The following FRMD4A variants were observed in gnomAD, a reference collection of about 807,000 sequenced individuals.
FRMD4A encodes the protein FERM domain-containing protein 4A.
A neutral mutation model predicts 129.1 loss-of-function variants in FRMD4A; 29 were observed. The ratio of observed to expected loss-of-function variants is 0.22; its 90% CI spans 0.17 to 0.31. The LOEUF is 0.31. Ranked by LOEUF, FRMD4A falls within the 10% of genes least tolerant of loss-of-function variation. The pLI is 1.00. For synonymous variants in FRMD4A, 634 were observed against 571.6 expected (o/e 1.11, Z -1.56); for missense variants, 1,272 against 1,375.8 (o/e 0.92, Z 1.19).
chr10:13,722,055 C>A (rs1490655051), intron 12 of FRMD4A, among the ~76,000 whole-genome samples: 1 of 152,122 alleles, frequency 6.6e-6, no homozygotes, highest in African/African-American at 2.4e-5. Flanking sequence ...TGTGCTCGCT[C>A]CAGGGGGTAC....
At chr10:13,928,935 T>C (rs1184623887) in intron 2 of FRMD4A, among the ~76,000 whole-genome samples, 1 of 152,246 alleles carries the variant, frequency 6.6e-6, no homozygotes. Context: ...GAATTCTCAG[T>C]TTAATAAGGC....
At chr10:14,051,764 G>A (rs1031884073) in intron 2 of FRMD4A, among the ~76,000 whole-genome samples, 7 of 152,172 alleles carry the variant, frequency 4.6e-5, no homozygotes, top group South Asian at 4.1e-4. Flanking sequence ...ATGGCACCTC[G>A]GCAGCCTATG....
At chr10:13,987,230 G>T (rs1000952443) in intron 2 of FRMD4A, among the ~76,000 whole-genome samples, 10 of 152,036 alleles carry the variant, frequency 6.6e-5, no homozygotes, top group African/African-American at 2.4e-4. Flanking sequence ...AACTATCGTG[G>T]GATAGAAACC....
chr10:13,674,887 C>A (rs201345379), intron 16 of FRMD4A, 24 bp downstream of exon 16: 5 of 1,611,982 alleles, frequency 3.1e-6, no homozygotes, highest in East Asian at 4.5e-5. Context: ...CCAATTTCAA[C>A]GGGATGAGCT....
chr10:13,820,661 C>T (rs1487147168), intron 3 of FRMD4A, among the ~76,000 whole-genome samples: 8 of 152,238 alleles, frequency 5.3e-5, no homozygotes, highest in Admixed American at 1.3e-4. Context: ...TCCTGCTCTT[C>T]GCCAAGGGTG....
chr10:13,984,129 G>C (rs753244186), intron 2 of FRMD4A, among the ~76,000 whole-genome samples: 1 of 152,120 alleles, frequency 6.6e-6, no homozygotes, highest in South Asian at 2.1e-4. Context: ...AGTGGCCTGG[G>C]GTGCTTTCTG....
At chr10:13,823,592 G>T (rs12240327) in intron 3 of FRMD4A, among the ~76,000 whole-genome samples, 4,113 of 152,118 alleles carry the variant, frequency 0.027, 154 homozygotes, top group East Asian at 0.14. Context: ...CCATTTTTTT[G>T]TTGTTGTTGT....
intron 2 of FRMD4A, among the ~76,000 whole-genome samples, chr10:14,034,807 G>T (rs1431943654): frequency 1.3e-5 from 2 of 152,186 alleles, no homozygotes; most frequent in Non-Finnish European, 2.9e-5. Flanking sequence ...GTCCCTAGAA[G>T]AGAAAAGGAT....
intron 2 of FRMD4A, among the ~76,000 whole-genome samples, chr10:14,221,717 G>C (rs903709322): frequency 3.7e-5 from 1 of 26,934 alleles, no homozygotes; most frequent in South Asian, 2.6e-3. Flanking sequence ...ACAGTACCAC[G>C]CCGGGTAATT....
In FRMD4A at chr10:13,654,413, C is replaced by T. The variant is rs1303846779; in HGVS notation, c.3050+3G>A. Reference sequence around the variant, plus strand: ...CAGTGAAGAACATAGAAGGAGAACTCACCCAGTCTGCCAGGTTAGGATGTG... The same window carrying T: ...CAGTGAAGAACATAGAAGGAGAACTTACCCAGTCTGCCAGGTTAGGATGTG... On this transcript the variant is annotated splice_donor_region_variant and intron_variant, in intron 23 of 24. Coordinates refer to ENST00000357447, the MANE Select transcript of FRMD4A (RefSeq NM_018027.5). The T allele has an allele frequency of 6.3e-7, 1 of 1,585,294 alleles. No homozygotes were observed. The highest frequency in any genetic ancestry group is 8.7e-7 in the Non-Finnish European group (1 of 1,153,712).
At chr10:13,974,688 G>A (rs184597430) in intron 2 of FRMD4A, among the ~76,000 whole-genome samples, 61 of 152,198 alleles carry the variant, frequency 4.0e-4, no homozygotes, top group Middle Eastern at 3.4e-3. Context: ...CACCATGCCT[G>A]GCTAATTTTT....
At chr10:14,125,191 C>A (rs1044301298) in intron 2 of FRMD4A, among the ~76,000 whole-genome samples, 3 of 152,194 alleles carry the variant, frequency 2.0e-5, no homozygotes, top group African/African-American at 7.2e-5. Context: ...TGACTATGCT[C>A]TTCTCTGATT....
intron 2 of FRMD4A, among the ~76,000 whole-genome samples, chr10:14,105,398 TC>T (rs1333290203): frequency 6.8e-6 from 1 of 147,426 alleles, no homozygotes; most frequent in Non-Finnish European, 1.5e-5. Context: ...AGACCCCATC[TC>T]CACAAAAACA....
At chr10:13,807,203 G>A (rs953474775) in intron 4 of FRMD4A, among the ~76,000 whole-genome samples, 2 of 152,154 alleles carry the variant, frequency 1.3e-5, no homozygotes, top group African/African-American at 4.8e-5. Flanking sequence ...GTATCACCAC[G>A]ATTCAGATAA....
chr10:14,207,673 T>G (rs1235252810), intron 2 of FRMD4A, among the ~76,000 whole-genome samples: 2 of 147,834 alleles, frequency 1.4e-5, no homozygotes, highest in Non-Finnish European at 1.5e-5. Flanking sequence ...TGTCAGCTAA[T>G]CATCCTAGGT....
At chr10:13,728,157 T>C (rs1000768113) in intron 12 of FRMD4A, among the ~76,000 whole-genome samples, 7 of 152,264 alleles carry the variant, frequency 4.6e-5, no homozygotes, top group Non-Finnish European at 7.4e-5. Context: ...CTTTCAAAAG[T>C]GTTGTCTGTA....
chr10:13,996,986 G>GCAAAACAAAA (rs55648919), intron 2 of FRMD4A, among the ~76,000 whole-genome samples: 15,782 of 149,552 alleles, frequency 0.11, 1,071 homozygotes, highest in Non-Finnish European at 0.15. Flanking sequence ...AAAAATTGAG[G>GCAAAACAAAA]CAAAACAAAA....
Position 14,140,233 on chromosome 10 carries a change from C to T in FRMD4A, c.45+189825G>A, listed in dbSNP as rs140231788. On this transcript the variant is annotated intron_variant, in intron 2 of 24. Transcript: ENST00000357447. ...CACACCACCACACCTGGCTAATCTTCGTATTTTTTAGCAGAGATGGGGTTT... is the reference window on the plus strand; with the variant it reads ...CACACCACCACACCTGGCTAATCTTTGTATTTTTTAGCAGAGATGGGGTTT... Among the ~76,000 whole-genome samples, 295 of 152,118 alleles carry T rather than the reference C, an allele frequency of 1.9e-3. 4 individuals carry two copies. The East Asian group carries it at 0.028, about 15-fold the overall frequency.
intron 2 of FRMD4A, among the ~76,000 whole-genome samples, chr10:14,235,282 T>TGGGACTACGG (rs1402760615): frequency 8.5e-6 from 1 of 117,438 alleles, no homozygotes; most frequent in South Asian, 2.7e-4. Context: ...CCCGAGCAGC[T>TGGGACTACGG]GAGTCCCTGG....
Sources: allele counts gnomAD v4.1 joint callset (sites outside exome capture counted in the v4.1 genomes callset), GRCh38; gene constraint gnomAD v4.1.1; transcripts MANE v1.5; gene names NCBI Gene and HGNC (gene_info 2026-07-23, HGNC 2026-07-21).